STPG2: variants seen among roughly 807,000 people sequenced by gnomAD.
STPG2 encodes the protein sperm tail PG-rich repeat containing 2, also known as sperm-tail PG-rich repeat-containing protein 2.
In STPG2, 56 loss-of-function variants were observed where a neutral mutation model predicts 54.2. The observed-to-expected ratio is 1.03, with a 90% CI of 0.83 to 1.29. The LOEUF is 1.29. STPG2 is among the 50% of genes most tolerant of loss of function. STPG2 has a pLI of 0.00. For synonymous variants in STPG2, 200 were observed against 181.8 expected (o/e 1.10, Z -0.81); for missense variants, 596 against 544.9 (o/e 1.09, Z -0.93).
At position 97,558,974 on chromosome 4, in the gene STPG2, A is replaced by G. The variant is rs2148872377; in HGVS notation, c.*84T>C. ...AAAATTATGCTTTTATTACTCCTAT[A>G]TTTGGAATAAATTTTGTTAAAATGA... On this transcript the variant is annotated 3_prime_UTR_variant, in exon 11 of 11. Transcript: ENST00000295268. 1 of 1,155,356 alleles carries G rather than the reference A, an allele frequency of 8.7e-7. No individual in the cohort carries two copies. The highest frequency in any genetic ancestry group is 1.3e-5 in the South Asian group (1 of 74,250). 71.6% of individuals were successfully genotyped at this position (1,155,356 alleles called of 1,614,324 possible).
At chr4:98,119,986 T>A (rs901655891) in intron 3 of STPG2, among the ~76,000 whole-genome samples, 5 of 152,194 alleles carry the variant, frequency 3.3e-5, no homozygotes, top group Non-Finnish European at 7.4e-5. Context: ...ACATTTTCTT[T>A]ATCCAGTCTA....
intron 4 of STPG2, among the ~76,000 whole-genome samples, chr4:97,477,673 G>A (rs1012548819): frequency 6.7e-6 from 1 of 149,378 alleles, no homozygotes; most frequent in African/African-American, 2.5e-5. Context: ...TGTATTTTTA[G>A]TAGAGATGGG....
chr4:97,986,203 G>A (rs544246681), intron 5 of STPG2, among the ~76,000 whole-genome samples: 8 of 152,218 alleles, frequency 5.3e-5, no homozygotes, highest in African/African-American at 1.4e-4. Flanking sequence ...CAAAGTAGTC[G>A]TCTATAGTCA....
intron 8 of STPG2, among the ~76,000 whole-genome samples, chr4:97,909,318 A>G (rs1427884908): frequency 6.6e-6 from 1 of 152,152 alleles, no homozygotes; most frequent in Non-Finnish European, 1.5e-5. Context: ...TAAATCTACC[A>G]AATCTACCAA....
chr4:97,995,050 T>C lies in STPG2; in HGVS notation c.613-13732A>G, dbSNP rs115399372. Among the ~76,000 whole-genome samples, 590 of 152,068 alleles carry C rather than the reference T, an allele frequency of 3.9e-3. 1 individual carries two copies. The highest frequency in any genetic ancestry group is 0.014 in the Middle Eastern group (4 of 294). ...GTTCCCAGAGGGATTATGGTTGTCT[T>C]TGCTGCGTCACACAGGTCACCAGGA... On this transcript the variant is annotated intron_variant, in intron 5 of 10. Coordinates refer to ENST00000295268, the MANE Select transcript of STPG2 (RefSeq NM_174952.3).
chr4:98,111,718 T>C (rs1316267364), intron 3 of STPG2, among the ~76,000 whole-genome samples: 1 of 152,138 alleles, frequency 6.6e-6, no homozygotes, highest in Non-Finnish European at 1.5e-5. Flanking sequence ...TGGGTATGTA[T>C]TTGAGGCTGT....
chr4:97,698,766 C>T (rs1027170167), intron 10 of STPG2, among the ~76,000 whole-genome samples: 6 of 152,076 alleles, frequency 3.9e-5, no homozygotes, highest in East Asian at 1.9e-4. Context: ...ACCTAGTCGG[C>T]GTTGTAATTG....
intron 8 of STPG2, among the ~76,000 whole-genome samples, chr4:97,899,911 G>T (rs1022081952): frequency 6.6e-6 from 1 of 151,998 alleles, no homozygotes; most frequent in Admixed American, 6.6e-5. Flanking sequence ...ACAGGAATGG[G>T]CAAAGATTTC....
At chr4:97,851,238 C>T (rs1410397689) in intron 8 of STPG2, among the ~76,000 whole-genome samples, 1 of 152,166 alleles carries the variant, frequency 6.6e-6, no homozygotes, top group Non-Finnish European at 1.5e-5. Context: ...ATTTTGCACA[C>T]CATTGTATCT....
At position 97,729,873 on chromosome 4, in the gene STPG2, T is replaced by C. The variant is rs185958755; in HGVS notation, c.1205-17059A>G. On this transcript the variant is annotated intron_variant, in intron 9 of 10. Coordinates refer to ENST00000295268, the MANE Select transcript of STPG2 (RefSeq NM_174952.3). ...AAATGGGATTTTTTTGCTTGATTTC[T>C]TTTTCAGATAGTTTGCTGTTATTGC... Among the ~76,000 whole-genome samples the C allele has an allele frequency of 9.2e-5, 14 of 152,320 alleles. 1 individual carries two copies. In the East Asian group the frequency reaches 2.7e-3, roughly 29 times the overall value.
intron 4 of STPG2, among the ~76,000 whole-genome samples, chr4:97,530,012 G>C (rs1429431715): frequency 6.6e-6 from 1 of 151,608 alleles, no homozygotes; most frequent in African/African-American, 2.4e-5. Flanking sequence ...CTTAAGATTT[G>C]TGAGAGCAAG....
chr4:98,061,148 A>G (rs957696066), intron 5 of STPG2, among the ~76,000 whole-genome samples: 2 of 152,236 alleles, frequency 1.3e-5, no homozygotes, highest in Non-Finnish European at 2.9e-5. Flanking sequence ...AGATGGGAGA[A>G]AATATTTACA....
intron 7 of STPG2, among the ~76,000 whole-genome samples, chr4:97,958,791 C>T (rs924592285): frequency 6.6e-6 from 1 of 152,182 alleles, no homozygotes; most frequent in Non-Finnish European, 1.5e-5. Flanking sequence ...TTCAGTACTT[C>T]ACGCACAGCA....
At chr4:97,686,933 T>G (rs1463273166) in intron 10 of STPG2, among the ~76,000 whole-genome samples, 87 of 130,542 alleles carry the variant, frequency 6.7e-4, no homozygotes, top group Middle Eastern at 3.9e-3. Flanking sequence ...ATTATTATTA[T>G]TATTATTATT....
intron 9 of STPG2, among the ~76,000 whole-genome samples, chr4:97,793,516 C>A (rs1727073255): frequency 6.6e-6 from 1 of 151,760 alleles, no homozygotes; most frequent in Non-Finnish European, 1.5e-5. Flanking sequence ...ATATGTACAG[C>A]TTTGAATGAA....
At chr4:97,538,929 A>T (rs1731615083) in intron 4 of STPG2, among the ~76,000 whole-genome samples, 1 of 152,224 alleles carries the variant, frequency 6.6e-6, no homozygotes, top group African/African-American at 2.4e-5. Context: ...AGAATTTCAT[A>T]TCCAGCCAAA....
chr4:97,594,232 A>G (rs77422565), intron 10 of STPG2, among the ~76,000 whole-genome samples: 2,629 of 152,336 alleles, frequency 0.017, 67 homozygotes, highest in African/African-American at 0.059. Flanking sequence ...TGAAAACCCA[A>G]TTCAAGGATT....
chr4:97,777,332 TC>T (rs1288594308), intron 9 of STPG2, among the ~76,000 whole-genome samples: 1 of 107,404 alleles, frequency 9.3e-6, no homozygotes, highest in Non-Finnish European at 2.0e-5. Flanking sequence ...TAAAATCATC[TC>T]TTTCTTTAAA....
At chr4:98,068,125 T>C (rs1156975253) in intron 5 of STPG2, among the ~76,000 whole-genome samples, 2 of 152,202 alleles carry the variant, frequency 1.3e-5, no homozygotes, top group African/African-American at 4.8e-5. Context: ...TGTGCTCCCT[T>C]GGCTATCCTA....
Sources: gnomAD v4.1 joint callset for allele counts (sites outside exome capture counted in the v4.1 genomes callset) on GRCh38, gnomAD v4.1.1 for gene constraint, MANE v1.5 for transcripts, NCBI Gene and HGNC (gene_info 2026-07-23, HGNC 2026-07-21) for gene names.